The following PARD3 variants were observed in gnomAD, a reference collection of about 807,000 sequenced individuals.
PARD3 encodes the protein par-3 family cell polarity regulator, also known as partitioning defective 3 homolog.
PARD3 carries 75 observed loss-of-function variants against 155.4 expected under a neutral mutation model. The observed-to-expected ratio is 0.48, with a 90% CI of 0.40 to 0.58. The LOEUF (loss-of-function observed/expected upper bound fraction) is 0.58, where lower values mean the gene tolerates loss of function less well. PARD3 is among the 20% of genes least tolerant of loss of function. The pLI, the probability that PARD3 is intolerant of heterozygous loss-of-function variation, is 0.00. For synonymous variants in PARD3, 576 were observed against 610.5 expected (o/e 0.94, Z 0.83); for missense variants, 1,642 against 1,721.7 (o/e 0.95, Z 0.82).
At chr10:34,586,188 T>C (rs1482079478) in intron 2 of PARD3, among the ~76,000 whole-genome samples, 1 of 151,470 alleles carries the variant, frequency 6.6e-6, no homozygotes, top group Admixed American at 6.6e-5. Context: ...GTGGATAAGG[T>C]AAAAAGAACC....
intron 5 of PARD3, among the ~76,000 whole-genome samples, chr10:34,444,853 C>T (rs551507707): frequency 6.6e-6 from 1 of 152,328 alleles, no homozygotes; most frequent in South Asian, 2.1e-4. Flanking sequence ...ATTCCTTCTG[C>T]TTATTCCCAC....
At chr10:34,669,580 C>T (rs907078516) in intron 2 of PARD3, among the ~76,000 whole-genome samples, 1 of 151,870 alleles carries the variant, frequency 6.6e-6, no homozygotes, top group African/African-American at 2.4e-5. Flanking sequence ...GTATTCCTTA[C>T]GTTTACACAA....
rs188219140 is a variant in PARD3 at position 34,279,122 on chromosome 10, T to C, written c.3176+5013A>G. 1.5e-4 allele frequency among the ~76,000 whole-genome samples: 23 copies of C among 150,438 alleles called. 1 individual carries two copies. The highest frequency in any genetic ancestry group is 1.5e-3 in the Admixed American group (22 of 15,032). On this transcript the variant is annotated intron_variant, in intron 21 of 24. Transcript: ENST00000374788. ...TGCCTAACGCTTAATTTTCCTCAAG[T>C]ATTCATCTATATTTTTTCCTTTTTT...
chr10:34,696,470 G>T, intron 1 of PARD3, 51 bp from the exon 2 acceptor site: 1 of 1,111,568 alleles, frequency 9.0e-7, no homozygotes, highest in South Asian at 1.3e-5. Context: ...ATCACCAAAA[G>T]GGAATTAGAC....
chr10:34,555,103 C>T (rs1055872506), intron 2 of PARD3, among the ~76,000 whole-genome samples: 1 of 152,176 alleles, frequency 6.6e-6, no homozygotes. Context: ...ACCCTCACGT[C>T]AGTTATGGAC....
chr10:34,784,652 G>A (rs561982549), intron 1 of PARD3, among the ~76,000 whole-genome samples: 13 of 152,240 alleles, frequency 8.5e-5, no homozygotes, highest in African/African-American at 3.1e-4. Context: ...GGCCAGGCTG[G>A]TCTCGAACTC....
chr10:34,519,746 G>A (rs1325943937), intron 2 of PARD3, among the ~76,000 whole-genome samples: 12 of 151,926 alleles, frequency 7.9e-5, no homozygotes, highest in East Asian at 1.9e-4. Context: ...CCCAGAAGGC[G>A]GAGGGTGCAG....
At chr10:34,696,931 G>A (rs553982225) in intron 1 of PARD3, among the ~76,000 whole-genome samples, 22 of 151,826 alleles carry the variant, frequency 1.4e-4, no homozygotes, top group Admixed American at 5.9e-4. Flanking sequence ...GAAGGATGCT[G>A]ACAAGACCGT....
chr10:34,581,466 C>T (rs4525173), intron 2 of PARD3, among the ~76,000 whole-genome samples: 58,295 of 151,326 alleles, frequency 0.39, 11,274 homozygotes, highest in South Asian at 0.43. Context: ...GAACTCCTGA[C>T]CTCGTGATCT....
intron 2 of PARD3, among the ~76,000 whole-genome samples, chr10:34,632,926 C>T (rs578246736): frequency 3.2e-4 from 49 of 152,268 alleles, no homozygotes; most frequent in African/African-American, 9.1e-4. Flanking sequence ...GGGGAGGAAC[C>T]GAGGAGGCTG....
intron 2 of PARD3, among the ~76,000 whole-genome samples, chr10:34,564,740 A>T (rs1159154227): frequency 6.6e-6 from 1 of 152,250 alleles, no homozygotes; most frequent in African/African-American, 2.4e-5. Context: ...TGTTACTTGC[A>T]TACAAGTTGA....
At chr10:34,457,276 G>A (rs2077388125) in intron 4 of PARD3, among the ~76,000 whole-genome samples, 1 of 152,184 alleles carries the variant, frequency 6.6e-6, no homozygotes, top group Non-Finnish European at 1.5e-5. Context: ...TGAAGCCACT[G>A]GATCTGTCCA....
intron 1 of PARD3, among the ~76,000 whole-genome samples, chr10:34,787,024 T>C (rs981485243): frequency 6.6e-6 from 1 of 152,166 alleles, no homozygotes; most frequent in African/African-American, 2.4e-5. Flanking sequence ...TGCTAGATCT[T>C]TTACATCTTT....
At chr10:34,172,735 A>C (rs1239296545) in intron 22 of PARD3, among the ~76,000 whole-genome samples, 1 of 148,342 alleles carries the variant, frequency 6.7e-6, no homozygotes. Context: ...ACAAAAACAA[A>C]AACAAAAAAA....
chr10:34,557,800 G>A (rs920230532), intron 2 of PARD3, among the ~76,000 whole-genome samples: 4 of 152,000 alleles, frequency 2.6e-5, no homozygotes, highest in Non-Finnish European at 5.9e-5. Context: ...TAGGTGTGGT[G>A]GTATACATCT....
intron 2 of PARD3, among the ~76,000 whole-genome samples, chr10:34,525,405 G>A (rs1432664145): frequency 6.6e-6 from 1 of 152,194 alleles, no homozygotes; most frequent in Non-Finnish European, 1.5e-5. Context: ...AGACTTTCTC[G>A]TACACAGTAC....
At chr10:34,581,609 CAG>C (rs1408401611) in intron 2 of PARD3, among the ~76,000 whole-genome samples, 1 of 152,146 alleles carries the variant, frequency 6.6e-6, no homozygotes, top group African/African-American at 2.4e-5. Flanking sequence ...TGAAAGGAAA[CAG>C]TATTTTAACT....
chr10:34,463,316 G>A (rs1189999479), intron 4 of PARD3, among the ~76,000 whole-genome samples: 2 of 114,394 alleles, frequency 1.7e-5, no homozygotes, highest in Admixed American at 9.0e-5. Flanking sequence ...GAAAGGGAAG[G>A]GGAAAGGGAA....
At chr10:34,201,019 C>T (rs568747914) in intron 22 of PARD3, among the ~76,000 whole-genome samples, 96 of 152,310 alleles carry the variant, frequency 6.3e-4, no homozygotes, top group African/African-American at 2.1e-3. Context: ...TGCAGACACA[C>T]GCACCTGCCA....
Sources: allele counts gnomAD v4.1 joint callset (sites outside exome capture counted in the v4.1 genomes callset), GRCh38; gene constraint gnomAD v4.1.1; transcripts MANE v1.5; gene names NCBI Gene and HGNC (gene_info 2026-07-23, HGNC 2026-07-21).